LRP1B: variants seen among roughly 807,000 people sequenced by gnomAD.
The protein encoded by LRP1B is low-density lipoprotein receptor-related protein 1B.
LRP1B carries 217 observed loss-of-function variants against 556.6 expected under a neutral mutation model. The ratio of observed to expected loss-of-function variants is 0.39; its 90% CI spans 0.35 to 0.44. The LOEUF is 0.44. LRP1B is among the 20% of genes least tolerant of loss of function. LRP1B has a pLI of 1.00. For synonymous variants in LRP1B, 2,047 were observed against 1,865.8 expected, an observed-to-expected ratio of 1.10 and a Z score of -2.50; for missense variants, 5,053 against 5,620.8, an observed-to-expected ratio of 0.90 and a Z score of 3.23.
chr2:141,824,589 G>A (rs1696862765), intron 1 of LRP1B, among the ~76,000 whole-genome samples: 3 of 152,132 alleles, frequency 2.0e-5, no homozygotes, highest in South Asian at 4.1e-4. Context: ...TCCTGACCTC[G>A]TGATCCTCCC....
intron 3 of LRP1B, among the ~76,000 whole-genome samples, chr2:141,432,691 A>G (rs1680605306): frequency 6.6e-6 from 1 of 152,006 alleles, no homozygotes; most frequent in African/African-American, 2.4e-5. Flanking sequence ...ATTTGTTGGC[A>G]TATAGTTGTT....
chr2:141,053,891 A>G (rs1204940065), intron 10 of LRP1B, among the ~76,000 whole-genome samples: 2 of 151,698 alleles, frequency 1.3e-5, no homozygotes, highest in Non-Finnish European at 2.9e-5. Context: ...TTTAAATCAC[A>G]CACTACATAG....
chr2:140,240,505 C>A (rs1680903558), intron 87 of LRP1B, among the ~76,000 whole-genome samples: 1 of 150,016 alleles, frequency 6.7e-6, no homozygotes, highest in Non-Finnish European at 1.5e-5. Flanking sequence ...AATAATGTGA[C>A]CCACAGGAGA....
rs10696198 is a variant in LRP1B, at chr2:140,485,846, T to TACACACACACACACAC, written c.9244-338_9244-323dup. Among the ~76,000 whole-genome samples the TACACACACACACACAC allele has an allele frequency of 1.8e-4, 26 of 142,360 alleles. 1 individual carries two copies. In the East Asian group the frequency reaches 1.9e-3, roughly 10 times the overall value. The allele number at this position is 142,360 out of a possible 152,430, so 93.4% of individuals were successfully genotyped here. The stretch of plus-strand genomic sequence containing the variant: ...ATTTGGGACAAAATTCTCACGCACA[T>TACACACACACACACAC]ACACACACACACACACACACACACA... On this transcript the variant is annotated intron_variant, in intron 58 of 90. Coordinates refer to ENST00000389484, the MANE Select transcript of LRP1B (RefSeq NM_018557.3).
At chr2:140,638,772 CAT>C (rs1684166907) in intron 41 of LRP1B, among the ~76,000 whole-genome samples, 1 of 150,816 alleles carries the variant, frequency 6.6e-6, no homozygotes, top group South Asian at 2.1e-4. Flanking sequence ...CACACACACA[CAT>C]ATATATGAAA....
At chr2:140,385,439 A>G (rs1683717256) in intron 67 of LRP1B, among the ~76,000 whole-genome samples, 1 of 152,220 alleles carries the variant, frequency 6.6e-6, no homozygotes. Flanking sequence ...CTGAATATAT[A>G]AGGTGTTGAC....
chr2:141,328,240 C>G (rs565233964), intron 3 of LRP1B, among the ~76,000 whole-genome samples: 1 of 152,278 alleles, frequency 6.6e-6, no homozygotes, highest in South Asian at 2.1e-4. Context: ...GCTCCATGAT[C>G]TTAACTTTCT....
intron 2 of LRP1B, among the ~76,000 whole-genome samples, chr2:141,570,725 G>A (rs1686495855): frequency 6.6e-6 from 1 of 151,382 alleles, no homozygotes; most frequent in African/African-American, 2.4e-5. Flanking sequence ...CTGAAGCCAA[G>A]GAGGCTGGAC....
chr2:141,706,316 C>T (rs1354215816), intron 2 of LRP1B, among the ~76,000 whole-genome samples: 1 of 152,084 alleles, frequency 6.6e-6, no homozygotes, highest in African/African-American at 2.4e-5. Flanking sequence ...TGCTTACATT[C>T]TTCAAGAAGG....
intron 2 of LRP1B, among the ~76,000 whole-genome samples, chr2:141,567,513 C>T (rs904961966): frequency 6.6e-6 from 1 of 151,976 alleles, no homozygotes; most frequent in Non-Finnish European, 1.5e-5. Context: ...AAGCATTCAA[C>T]CTATAATTTA....
chr2:140,571,032 A>G (rs549653067), intron 43 of LRP1B, among the ~76,000 whole-genome samples: 301 of 151,992 alleles, frequency 2.0e-3, no homozygotes, highest in African/African-American at 7.0e-3. Flanking sequence ...CATATATGAC[A>G]AGCACAAAGC....
At chr2:140,349,933 C>T (rs1289118040) in intron 77 of LRP1B, among the ~76,000 whole-genome samples, 1 of 152,066 alleles carries the variant, frequency 6.6e-6, no homozygotes, top group Non-Finnish European at 1.5e-5. Context: ...TCCAGATTTG[C>T]ATCAAATGGA....
chr2:141,995,229 T>A (rs938415310), intron 1 of LRP1B, among the ~76,000 whole-genome samples: 1 of 152,170 alleles, frequency 6.6e-6, no homozygotes, highest in African/African-American at 2.4e-5. Flanking sequence ...TGGCCAAAAA[T>A]CAAGGTGTCT....
chr2:141,655,326 G>T (rs1029015648), intron 2 of LRP1B, among the ~76,000 whole-genome samples: 4 of 152,118 alleles, frequency 2.6e-5, no homozygotes, highest in Non-Finnish European at 5.9e-5. Flanking sequence ...TAATAAGGAA[G>T]GAGGAGAGTC....
chr2:141,577,403 T>A (rs1234436130), intron 2 of LRP1B, among the ~76,000 whole-genome samples: 1 of 152,228 alleles, frequency 6.6e-6, no homozygotes, highest in Non-Finnish European at 1.5e-5. Context: ...GCCCAGTTCC[T>A]GGAATACGGT....
intron 35 of LRP1B, among the ~76,000 whole-genome samples, chr2:140,752,043 G>A (rs918252163): frequency 6.6e-6 from 1 of 151,994 alleles, no homozygotes; most frequent in African/African-American, 2.4e-5. Flanking sequence ...TAGGCTGGGC[G>A]CAATGGCTCA....
At chr2:140,893,400 T>G (rs1559179025) in intron 23 of LRP1B, among the ~76,000 whole-genome samples, 1 of 152,204 alleles carries the variant, frequency 6.6e-6, no homozygotes, top group Non-Finnish European at 1.5e-5. Context: ...CATAGGAATG[T>G]GTGGGCTCAC....
At chr2:141,654,075 T>A (rs1376903697) in intron 2 of LRP1B, among the ~76,000 whole-genome samples, 1 of 152,088 alleles carries the variant, frequency 6.6e-6, no homozygotes, top group Non-Finnish European at 1.5e-5. Context: ...GAAACACTAC[T>A]AAGAATTAGA....
At chr2:140,774,571 C>T (rs1689425702) in intron 33 of LRP1B, among the ~76,000 whole-genome samples, 1 of 151,988 alleles carries the variant, frequency 6.6e-6, no homozygotes, top group Admixed American at 6.6e-5. Flanking sequence ...TGCACACCTT[C>T]CCTCTCTCTG....
Sources: gnomAD v4.1 joint callset for allele counts (sites outside exome capture counted in the v4.1 genomes callset) on GRCh38, gnomAD v4.1.1 for gene constraint, MANE v1.5 for transcripts, NCBI Gene and HGNC (gene_info 2026-07-23, HGNC 2026-07-21) for gene names.